Variants in AUTS2 observed in about 807,000 individuals in gnomAD.
The protein encoded by AUTS2 is activator of transcription and developmental regulator AUTS2.
A neutral mutation model predicts 112.4 loss-of-function variants in AUTS2; 17 were observed. The observed-to-expected ratio is 0.15, with a 90% CI of 0.10 to 0.23. The LOEUF is 0.23. Ranked by LOEUF, AUTS2 falls within the 10% of genes least tolerant of loss-of-function variation. AUTS2 has a pLI of 1.00. For missense variants in AUTS2, 1,510 were observed against 1,701.6 expected, an observed-to-expected ratio of 0.89 and a Z score of 1.98; for synonymous variants, 751 against 702.7, an observed-to-expected ratio of 1.07 and a Z score of -1.09.
At chr7:70,544,069 TTTGTA>T (rs776059901) in intron 5 of AUTS2, among the ~76,000 whole-genome samples, 8 of 152,326 alleles carry the variant, frequency 5.3e-5, no homozygotes, top group Non-Finnish European at 8.8e-5. Flanking sequence ...GAATGTGTCC[TTTGTA>T]TTTAAACGGT....
intron 2 of AUTS2, among the ~76,000 whole-genome samples, chr7:69,920,094 A>G (rs993626752): frequency 5.3e-5 from 8 of 152,000 alleles, no homozygotes; most frequent in Admixed American, 5.2e-4. Flanking sequence ...GGGCATGCCT[A>G]TTGGTGGTGA....
chr7:69,633,020 T>G (rs1241006223), intron 1 of AUTS2, among the ~76,000 whole-genome samples: 1 of 152,180 alleles, frequency 6.6e-6, no homozygotes, highest in African/African-American at 2.4e-5. Context: ...CCAAATACAG[T>G]ACAATTTTAT....
intron 5 of AUTS2, among the ~76,000 whole-genome samples, chr7:70,558,223 G>T (rs954296098): frequency 2.6e-5 from 4 of 152,072 alleles, no homozygotes; most frequent in African/African-American, 9.7e-5. Context: ...CTCTGGTCCA[G>T]GTGTCCCTAC....
intron 4 of AUTS2, among the ~76,000 whole-genome samples, chr7:70,177,339 C>A (rs915338514): frequency 1.3e-5 from 2 of 151,820 alleles, no homozygotes; most frequent in Non-Finnish European, 2.9e-5. Context: ...ACCTGTGAGT[C>A]GCCATATAGC....
chr7:69,663,344 G>A (rs2129145483), intron 1 of AUTS2: 1 of 151,732 alleles, frequency 6.6e-6, no homozygotes, highest in East Asian at 1.9e-4. Context: ...GGCCTGAGAG[G>A]TAGTTAAGAG....
At chr7:70,589,392 C>A (rs1376342510) in intron 5 of AUTS2, among the ~76,000 whole-genome samples, 1 of 124,186 alleles carries the variant, frequency 8.1e-6, no homozygotes, top group East Asian at 2.0e-4. Context: ...TGCACAAAAC[C>A]CCCTGGGAAA....
In AUTS2 at chr7:70,262,311, TC is replaced by T. The variant is rs1175468588; in HGVS notation, c.660+127742del. Among the ~76,000 whole-genome samples the T allele has an allele frequency of 3.3e-5, 5 of 152,224 alleles. No individual in the cohort carries two copies. In the South Asian group the frequency reaches 1.0e-3, roughly 32 times the overall value. ...TTCAAGCAATTCTCCTGCCTCAGTC[TC>T]CGGAGTAGCTGGGATTACAGGCACC... On this transcript the variant is annotated intron_variant, in intron 4 of 18. Transcript: ENST00000342771.
intron 5 of AUTS2, among the ~76,000 whole-genome samples, chr7:70,666,042 A>G (rs1262381819): frequency 6.6e-6 from 1 of 152,132 alleles, no homozygotes; most frequent in Non-Finnish European, 1.5e-5. Flanking sequence ...AGATGCCCAG[A>G]TGATAAGGTG....
At chr7:70,779,853 T>TAGAG (rs1230629626) in intron 14 of AUTS2, among the ~76,000 whole-genome samples, 1 of 151,756 alleles carries the variant, frequency 6.6e-6, no homozygotes, top group South Asian at 2.1e-4. Context: ...CTGGGCAACA[T>TAGAG]AGAGAGAGAG....
intron 4 of AUTS2, among the ~76,000 whole-genome samples, chr7:70,305,472 T>C (rs1242635867): frequency 2.6e-5 from 4 of 152,240 alleles, no homozygotes; most frequent in Non-Finnish European, 4.4e-5. Context: ...ATATTGAATT[T>C]GGATTCTCTC....
intron 1 of AUTS2, among the ~76,000 whole-genome samples, chr7:69,657,915 T>G (rs1348286380): frequency 1.3e-5 from 2 of 152,256 alleles, no homozygotes; most frequent in African/African-American, 4.8e-5. Context: ...GCTCAAATGC[T>G]TGGCACCTGG....
intron 5 of AUTS2, among the ~76,000 whole-genome samples, chr7:70,583,710 G>T (rs745882757): frequency 6.6e-6 from 1 of 152,198 alleles, no homozygotes; most frequent in Non-Finnish European, 1.5e-5. Flanking sequence ...GCTGAAACCC[G>T]CACCGCACGG....
At chr7:69,760,550 G>A (rs544831636) in intron 1 of AUTS2, among the ~76,000 whole-genome samples, 8 of 151,754 alleles carry the variant, frequency 5.3e-5, no homozygotes, top group African/African-American at 1.5e-4. Flanking sequence ...TGTGTCGGGC[G>A]CGGTGGCTCA....
At chr7:70,433,889 A>G (rs1043413061) in intron 4 of AUTS2, among the ~76,000 whole-genome samples, 5 of 152,244 alleles carry the variant, frequency 3.3e-5, no homozygotes, top group African/African-American at 9.6e-5. Context: ...GTTACTTCCC[A>G]TTAAAAGCTC....
chr7:70,207,960 G>A (rs1260559911), intron 4 of AUTS2, among the ~76,000 whole-genome samples: 3 of 137,510 alleles, frequency 2.2e-5, no homozygotes, highest in Admixed American at 8.0e-5. Flanking sequence ...GTAGGGAGTC[G>A]AGATTGCGCC....
intron 5 of AUTS2, among the ~76,000 whole-genome samples, chr7:70,456,642 G>A (rs1255208097): frequency 6.6e-6 from 1 of 152,216 alleles, no homozygotes; most frequent in Non-Finnish European, 1.5e-5. Flanking sequence ...CCTTCTGGCT[G>A]GAGGATCTAG....
rs543632828 is a variant in AUTS2, at chr7:69,711,371, A to G, written c.309+111409A>G. Among the ~76,000 whole-genome samples the G allele has an allele frequency of 4.2e-4, 37 of 87,298 alleles. No individual in the cohort carries two copies. The South Asian group carries it at 0.01, about 24-fold the overall frequency. The allele number at this position is 87,298 out of a possible 152,430, so 57.3% of individuals were successfully genotyped here. A position where few individuals can be genotyped will look rare whatever the true frequency, so the allele number is the denominator to read the frequency against. ...TGTAAATACTATGTGGTTTTGAGAA[A>G]TAGTAGAAAGTTGGGTCTTATTTTA... On this transcript the variant is annotated intron_variant, in intron 1 of 18. Coordinates refer to ENST00000342771, the MANE Select transcript of AUTS2 (RefSeq NM_015570.4).
At chr7:70,296,353 A>T (rs1192894114) in intron 4 of AUTS2, among the ~76,000 whole-genome samples, 1 of 152,270 alleles carries the variant, frequency 6.6e-6, no homozygotes, top group Non-Finnish European at 1.5e-5. Flanking sequence ...TATATTTAGT[A>T]TAGTAAAAGT....
intron 5 of AUTS2, among the ~76,000 whole-genome samples, chr7:70,666,760 C>T (rs981688133): frequency 3.9e-5 from 6 of 152,050 alleles, no homozygotes; most frequent in African/African-American, 1.2e-4. Flanking sequence ...AGTCAGAAAA[C>T]AGCCATAGCC....
Sources: gnomAD v4.1 joint callset for allele counts (sites outside exome capture counted in the v4.1 genomes callset) on GRCh38, gnomAD v4.1.1 for gene constraint, MANE v1.5 for transcripts, NCBI Gene and HGNC (gene_info 2026-07-23, HGNC 2026-07-21) for gene names.